PCDH9: variants seen among roughly 807,000 people sequenced by gnomAD.
PCDH9 encodes the protein protocadherin-9.
In PCDH9, 24 loss-of-function variants were observed where a neutral mutation model predicts 70.6. The observed-to-expected ratio is 0.34, with a 90% CI of 0.25 to 0.48. PCDH9 has a LOEUF of 0.48. Among genes scored for constraint, PCDH9 ranks in the 20% least tolerant of loss-of-function variants. PCDH9 has a pLI of 0.99. For synonymous variants in PCDH9, 562 were observed against 558.5 expected, an observed-to-expected ratio of 1.01 and a Z score of -0.09; for missense variants, 1,281 against 1,503.6, an observed-to-expected ratio of 0.85 and a Z score of 2.45.
chr13:66,395,222 A>C (rs1216764086), intron 4 of PCDH9, among the ~76,000 whole-genome samples: 1 of 152,240 alleles, frequency 6.6e-6, no homozygotes, highest in East Asian at 1.9e-4. Flanking sequence ...TCAATATGCA[A>C]TTGAGGGATC....
intron 3 of PCDH9, among the ~76,000 whole-genome samples, chr13:66,821,025 AC>A (rs2080703465): frequency 6.6e-6 from 1 of 152,182 alleles, no homozygotes; most frequent in Admixed American, 6.5e-5. Context: ...CCCTCCTTTG[AC>A]AAAATTATTC....
At chr13:66,903,749 T>C (rs564079248) in intron 2 of PCDH9, 144 bp from the exon 3 acceptor site, 11 of 415,492 alleles carry the variant, frequency 2.6e-5, no homozygotes, top group East Asian at 1.5e-4. Context: ...TGCATTAAGA[T>C]TGAGTCTTTA....
At chr13:66,958,205 A>T (rs1173877853) in intron 2 of PCDH9, among the ~76,000 whole-genome samples, 1 of 152,230 alleles carries the variant, frequency 6.6e-6, no homozygotes, top group Non-Finnish European at 1.5e-5. Flanking sequence ...AACTCCTTGA[A>T]ATGAAAGCTA....
At chr13:66,903,737 C>T (rs2082314379) in intron 2 of PCDH9, 132 bp from the exon 3 acceptor site, 1 of 439,018 alleles carries the variant, frequency 2.3e-6, no homozygotes, top group Admixed American at 4.3e-5. Flanking sequence ...CCCAGAGATA[C>T]ATGCATTAAG....
intron 3 of PCDH9, among the ~76,000 whole-genome samples, chr13:66,838,142 T>C (rs2081054449): frequency 6.6e-6 from 1 of 152,168 alleles, no homozygotes; most frequent in South Asian, 2.1e-4. Context: ...TATATTTCAT[T>C]CTATAATATT....
At chr13:66,469,087 T>C (rs1418723467) in intron 4 of PCDH9, among the ~76,000 whole-genome samples, 1 of 152,154 alleles carries the variant, frequency 6.6e-6, no homozygotes, top group African/African-American at 2.4e-5. Context: ...AATATTTCTG[T>C]TGCCAGGCTA....
chr13:66,911,923 G>C (rs952082359), intron 2 of PCDH9, among the ~76,000 whole-genome samples: 1 of 152,044 alleles, frequency 6.6e-6, no homozygotes, highest in Non-Finnish European at 1.5e-5. Flanking sequence ...GGGTGCCAGG[G>C]TTAGTCAGGA....
chr13:66,530,470 AT>A (rs1712613502), intron 4 of PCDH9, among the ~76,000 whole-genome samples: 1 of 151,942 alleles, frequency 6.6e-6, no homozygotes, highest in African/African-American at 2.4e-5. Context: ...TGTGTCCTCT[AT>A]TAAGTGTCTT....
intron 2 of PCDH9, among the ~76,000 whole-genome samples, chr13:66,912,081 A>T (rs1259384210): frequency 2.6e-5 from 4 of 152,180 alleles, no homozygotes; most frequent in Non-Finnish European, 5.9e-5. Flanking sequence ...TGCAACACAG[A>T]TAAAAGTAGA....
At position 67,225,902 on chromosome 13, in the gene PCDH9, C is replaced by G; in HGVS notation, c.2539G>C (p.Ala847Pro). The G allele has an allele frequency of 6.2e-7, 1 of 1,614,102 alleles. No homozygotes were observed. The highest frequency in any genetic ancestry group is 8.5e-7 in the Non-Finnish European group (1 of 1,180,030). Residue 847 changes from alanine to proline, a missense_variant, in exon 2 of 5, where the codon GCT becomes CCT. By Grantham distance (27) the Ala-to-Pro change is conservative. Coordinates refer to ENST00000377865, the MANE Select transcript of PCDH9 (RefSeq NM_203487.3). ...TCGGCACCTTGCTTGCTCCTCTGAG[C>G]TGCTTTGAACCTTGATGCATGGCGA... ...RCRHASRFKA[A>P]QRSKQGAEWM... is the part of the protein sequence containing the mutation.
chr13:66,720,073 A>G (rs74421865), intron 3 of PCDH9, among the ~76,000 whole-genome samples: 1 of 152,198 alleles, frequency 6.6e-6, no homozygotes, highest in Non-Finnish European at 1.5e-5. Flanking sequence ...TGACTAAAGC[A>G]TGACTGGGAA....
chr13:66,614,026 C>G (rs183166587), intron 4 of PCDH9, among the ~76,000 whole-genome samples: 6 of 149,724 alleles, frequency 4.0e-5, no homozygotes, highest in African/African-American at 1.5e-4. Flanking sequence ...GTAACCACAC[C>G]GTAACTAAGA....
intron 4 of PCDH9, among the ~76,000 whole-genome samples, chr13:66,414,442 T>C (rs1013581906): frequency 6.6e-6 from 1 of 152,242 alleles, no homozygotes; most frequent in Non-Finnish European, 1.5e-5. Flanking sequence ...GGAAAGAGTA[T>C]GCTCTGCAAC....
In PCDH9 at chr13:66,972,610, A is replaced by T. The variant is rs556804915; in HGVS notation, c.3037-69005T>A. On this transcript the variant is annotated intron_variant, in intron 2 of 4. Transcript: ENST00000377865. ...CATATTTCTCAAACCACTAGAGCAT[A>T]GTTTACAATAAGTCCTGAAATAACT... Among the ~76,000 whole-genome samples the T allele has an allele frequency of 2.6e-5, 4 of 152,124 alleles. 1 individual carries two copies. The South Asian group carries it at 8.3e-4, about 32-fold the overall frequency.
intron 4 of PCDH9, among the ~76,000 whole-genome samples, chr13:66,327,154 G>A (rs1294008185): frequency 6.6e-6 from 1 of 152,160 alleles, no homozygotes; most frequent in East Asian, 1.9e-4. Flanking sequence ...TACTAAGAAT[G>A]TATTGTGTGT....
intron 3 of PCDH9, among the ~76,000 whole-genome samples, chr13:66,869,817 CTA>C (rs1177187134): frequency 6.6e-6 from 1 of 152,208 alleles, no homozygotes; most frequent in East Asian, 1.9e-4. Context: ...TTGTTCACTA[CTA>C]TTTCCTTAGT....
At chr13:67,020,867 T>C (rs2084660916) in intron 2 of PCDH9, among the ~76,000 whole-genome samples, 1 of 152,180 alleles carries the variant, frequency 6.6e-6, no homozygotes, top group Non-Finnish European at 1.5e-5. Context: ...TTATTCAGTA[T>C]TTTGAGCCCA....
intron 2 of PCDH9, chr13:67,216,812 C>T (rs184416070): frequency 6.6e-6 from 1 of 150,688 alleles, no homozygotes; most frequent in Non-Finnish European, 1.5e-5. Context: ...TGAATATAGT[C>T]CACCTAGTGA....
chr13:66,862,745 A>T (rs962514161), intron 3 of PCDH9, among the ~76,000 whole-genome samples: 6 of 152,182 alleles, frequency 3.9e-5, no homozygotes, highest in Admixed American at 3.9e-4. Flanking sequence ...AAAAAGAATG[A>T]CCTATGACTC....
Sources: gnomAD v4.1 joint callset for allele counts (sites outside exome capture counted in the v4.1 genomes callset) on GRCh38, gnomAD v4.1.1 for gene constraint, MANE v1.5 for transcripts, NCBI Gene and HGNC (gene_info 2026-07-23, HGNC 2026-07-21) for gene names.